The following XKR6 variants were observed in gnomAD, a reference collection of about 807,000 sequenced individuals.
The protein encoded by XKR6 is XK related 6, also known as XK-related protein 6.
Under a neutral mutation model 56.7 loss-of-function variants are expected in XKR6, and 22 were observed. The ratio of observed to expected loss-of-function variants is 0.39; its 90% CI spans 0.28 to 0.55. XKR6 has a LOEUF of 0.55. XKR6 is among the 20% of genes least tolerant of loss of function. XKR6 has a pLI of 0.66. For missense variants in XKR6, 852 were observed against 889.0 expected, an observed-to-expected ratio of 0.96 and a Z score of 0.53; for synonymous variants, 524 against 387.8, an observed-to-expected ratio of 1.35 and a Z score of -4.13.
chr8:11,190,315 A>G (rs1803509302), intron 1 of XKR6, among the ~76,000 whole-genome samples: 2 of 152,172 alleles, frequency 1.3e-5, no homozygotes, highest in Admixed American at 1.3e-4. Flanking sequence ...CAGCTTCTTT[A>G]TATCCTTGGG....
chr8:11,139,835 C>T (rs1563167457), intron 1 of XKR6, among the ~76,000 whole-genome samples: 1 of 152,166 alleles, frequency 6.6e-6, no homozygotes, highest in African/African-American at 2.4e-5. Flanking sequence ...TCAGACCCCA[C>T]ACAAACTTAC....
chr8:11,167,997 CA>C (rs1330465362), intron 1 of XKR6, among the ~76,000 whole-genome samples: 3 of 148,992 alleles, frequency 2.0e-5, no homozygotes, highest in Non-Finnish European at 3.0e-5. Flanking sequence ...ATAATCCCTA[CA>C]AAAATAGTTG....
At chr8:11,014,714 C>A (rs1798579643) in intron 1 of XKR6, among the ~76,000 whole-genome samples, 1 of 152,180 alleles carries the variant, frequency 6.6e-6, no homozygotes, top group Non-Finnish European at 1.5e-5. Flanking sequence ...CAGCGTGGAT[C>A]CTCTGTTAGT....
chr8:10,978,428 T>C (rs1275569039), intron 1 of XKR6, among the ~76,000 whole-genome samples: 1 of 152,188 alleles, frequency 6.6e-6, no homozygotes, highest in Non-Finnish European at 1.5e-5. Flanking sequence ...ATGCACTCCA[T>C]CTCAAACAAA....
intron 1 of XKR6, among the ~76,000 whole-genome samples, chr8:11,028,932 G>A (rs1459356800): frequency 6.6e-6 from 1 of 152,108 alleles, no homozygotes; most frequent in East Asian, 1.9e-4. Flanking sequence ...GTGGCCCCCT[G>A]GACTAGGCTG....
At chr8:11,080,747 AGAG>A (rs1475861679) in intron 1 of XKR6, among the ~76,000 whole-genome samples, 1 of 152,250 alleles carries the variant, frequency 6.6e-6, no homozygotes, top group Non-Finnish European at 1.5e-5. Flanking sequence ...TAACCTAGTC[AGAG>A]GGACACTACC....
At chr8:11,053,250 G>C (rs1220436393) in intron 1 of XKR6, among the ~76,000 whole-genome samples, 1 of 152,196 alleles carries the variant, frequency 6.6e-6, no homozygotes, top group Non-Finnish European at 1.5e-5. Context: ...TAGATGGCAA[G>C]GGCTAGGGGC....
intron 1 of XKR6, among the ~76,000 whole-genome samples, chr8:11,141,323 T>C (rs572724002): frequency 5.1e-4 from 78 of 152,204 alleles, no homozygotes; most frequent in African/African-American, 1.9e-3. Context: ...CCCAACACCA[T>C]AGCACTGGGA....
intron 1 of XKR6, chr8:11,105,094 G>C (rs532301505): frequency 6.6e-6 from 1 of 152,270 alleles, no homozygotes; most frequent in Non-Finnish European, 1.5e-5. Context: ...TTAATGTCCT[G>C]TGAGTTATGG....
At chr8:11,166,231 T>C (rs1802065172) in intron 1 of XKR6, among the ~76,000 whole-genome samples, 1 of 152,238 alleles carries the variant, frequency 6.6e-6, no homozygotes, top group African/African-American at 2.4e-5. Context: ...GTGAAGATGT[T>C]ACTATAAAGT....
intron 1 of XKR6, among the ~76,000 whole-genome samples, chr8:11,179,540 C>T (rs979565064): frequency 1.3e-5 from 2 of 152,124 alleles, no homozygotes; most frequent in Admixed American, 6.5e-5. Context: ...TTTATAGTTA[C>T]ATAGCCTTGT....
chr8:10,921,913 C>T (rs1006910154), intron 2 of XKR6, among the ~76,000 whole-genome samples: 10 of 152,162 alleles, frequency 6.6e-5, no homozygotes, highest in South Asian at 2.1e-4. Flanking sequence ...GATAGGATTA[C>T]GAGGTGGGAC....
At position 11,068,102 on chromosome 8, in the gene XKR6, G is replaced by C. The variant is rs193220878; in HGVS notation, c.764+132474C>G. ...GACTCAATAGTGGTGTGTTGATTTA[G>C]GGAAAAACTCACCTTCAACAGCCTC... On this transcript the variant is annotated intron_variant, in intron 1 of 2. Coordinates refer to ENST00000416569, the MANE Select transcript of XKR6 (RefSeq NM_173683.4). Among the ~76,000 whole-genome samples the C allele has an allele frequency of 1.3e-5, 2 of 152,318 alleles. 1 individual carries two copies. The highest frequency in any genetic ancestry group is 2.9e-5 in the Non-Finnish European group (2 of 68,020).
At chr8:11,168,959 G>C (rs1004101554) in intron 1 of XKR6, among the ~76,000 whole-genome samples, 1 of 152,132 alleles carries the variant, frequency 6.6e-6, no homozygotes, top group African/African-American at 2.4e-5. Flanking sequence ...TCCTTTTTTG[G>C]ACATGATTTG....
chr8:10,974,513 C>G (rs888367587), intron 1 of XKR6, among the ~76,000 whole-genome samples: 1 of 152,206 alleles, frequency 6.6e-6, no homozygotes, highest in Non-Finnish European at 1.5e-5. Context: ...GACTCTAGTT[C>G]CCAGGCAGCT....
chr8:11,050,344 G>C (rs115510963), intron 1 of XKR6, among the ~76,000 whole-genome samples: 4 of 149,436 alleles, frequency 2.7e-5, no homozygotes, highest in African/African-American at 4.9e-5. Flanking sequence ...GAGTCACTTC[G>C]TCCCTCCAAG....
chr8:11,010,147 T>C (rs181172488), intron 1 of XKR6, among the ~76,000 whole-genome samples: 3 of 152,238 alleles, frequency 2.0e-5, no homozygotes, highest in African/African-American at 7.2e-5. Context: ...TCATCTCTTA[T>C]ATGGCCACAA....
intron 1 of XKR6, among the ~76,000 whole-genome samples, chr8:11,156,540 G>A (rs944925527): frequency 2.0e-5 from 3 of 152,152 alleles, no homozygotes; most frequent in African/African-American, 7.2e-5. Flanking sequence ...TGTTTTTGGA[G>A]AAAAAGTCTA....
At chr8:11,198,554 G>A (rs1022837382) in intron 1 of XKR6, among the ~76,000 whole-genome samples, 4 of 151,376 alleles carry the variant, frequency 2.6e-5, no homozygotes, top group Admixed American at 6.6e-5. Flanking sequence ...AACTACAAAA[G>A]CTAAATTGAC....
Sources: allele counts gnomAD v4.1 joint callset (sites outside exome capture counted in the v4.1 genomes callset), GRCh38; gene constraint gnomAD v4.1.1; transcripts MANE v1.5; gene names NCBI Gene and HGNC (gene_info 2026-07-23, HGNC 2026-07-21).